Variants in RRP12 observed in about 807,000 individuals in gnomAD.
The protein encoded by RRP12 is RRP12-like protein.
RRP12 carries 78 observed loss-of-function variants against 157.3 expected under a neutral mutation model. The observed-to-expected ratio is 0.50, with a 90% CI of 0.41 to 0.60. RRP12 has a LOEUF of 0.60. RRP12 is among the 20% of genes least tolerant of loss of function. RRP12 has a pLI of 0.00. For synonymous variants in RRP12, 726 were observed against 670.9 expected, an observed-to-expected ratio of 1.08 and a Z score of -1.27; for missense variants, 1,521 against 1,679.9, an observed-to-expected ratio of 0.91 and a Z score of 1.65.
At chr10:97,392,001 G>GTTT (rs59302286) in intron 4 of RRP12, among the ~76,000 whole-genome samples, 3 of 147,756 alleles carry the variant, frequency 2.0e-5, no homozygotes, top group Non-Finnish European at 3.0e-5. Flanking sequence ...CATGTTGTGG[G>GTTT]TTTTTTTTTT....
intron 4 of RRP12, 148 bp downstream of exon 4, chr10:97,393,536 T>C (rs1844869103): frequency 1.4e-6 from 1 of 721,432 alleles, no homozygotes; most frequent in Non-Finnish European, 2.5e-6. Context: ...GTATGTCACA[T>C]GCTGGCCCAT....
At position 97,373,650 on chromosome 10, in the gene RRP12, T is replaced by C; in HGVS notation, c.1951A>G (p.Ile651Val). 6.2e-7 allele frequency: 1 copy of C among 1,613,886 alleles called. No homozygotes were observed. The highest frequency in any genetic ancestry group is 8.5e-7 in the Non-Finnish European group (1 of 1,179,924). ...ACCCTCAGGTCTGGACGCTCGCTGA[T>C]GGCCATGCCCAGCGTCCGTGCCAGC... is the stretch of plus-strand genomic sequence containing the variant. The part of the protein sequence containing the change: ...KGLARTLGMA[I>V]SERPDLRVTV... Residue 651 changes from isoleucine to valine, a missense_variant, in exon 17 of 34, where the codon ATC (isoleucine) becomes GTC (valine). By Grantham distance (29) the Ile-to-Val change is conservative. Coordinates refer to ENST00000370992, the MANE Select transcript of RRP12 (RefSeq NM_015179.4).
intron 2 of RRP12, among the ~76,000 whole-genome samples, 196 bp downstream of exon 2, chr10:97,400,109 C>T (rs977593666): frequency 6.6e-6 from 1 of 152,162 alleles, no homozygotes; most frequent in Non-Finnish European, 1.5e-5. Flanking sequence ...CCCTCAAGTA[C>T]TTAAGCAGAG....
At chr10:97,385,606 A>G (rs1844609677) in intron 9 of RRP12, among the ~76,000 whole-genome samples, 1 of 152,086 alleles carries the variant, frequency 6.6e-6, no homozygotes, top group Non-Finnish European at 1.5e-5. Flanking sequence ...ACAGACCTCT[A>G]AGGCCGAGAG....
chr10:97,394,851 G>T (rs528496887), intron 3 of RRP12, among the ~76,000 whole-genome samples: 1 of 152,242 alleles, frequency 6.6e-6, no homozygotes, highest in East Asian at 1.9e-4. Flanking sequence ...CTTTAAAAAT[G>T]TAATAACCAG....
chr10:97,357,175 T>C lies in RRP12; in HGVS notation c.3813A>G (p.Gly1271=), dbSNP rs1843731564. 6.2e-7 allele frequency: 1 copy of C among 1,610,390 alleles called. No individual in the cohort carries two copies. The highest frequency in any genetic ancestry group is 1.3e-5 in the African/African-American group (1 of 74,746). The change falls in exon 34 of 34, where the codon GGA becomes GGG. Residue 1271 remains glycine (G), a synonymous_variant. Transcript: ENST00000370992. The stretch of plus-strand genomic sequence containing the variant: ...CAGCCTTCACCAGGCCTTTGAACTG[T>C]CCCTGCAGCTTCATCTTCTTCCTGC... ...LNRRKKMKLQ[G]QFKGLVKAAR...
Position 97,366,764 on chromosome 10 carries a change from G to GCTCCTCCTCCTCCTCCTC in RRP12, c.3175_3192dup (p.Glu1059_Glu1064dup). Reference sequence around the variant, plus strand: ...CACCTGTCACCTTTGCCCTGGGCGGGCTCCTCCTCCTCCTCCTCCTCTTCT... The same window carrying GCTCCTCCTCCTCCTCCTC: ...CACCTGTCACCTTTGCCCTGGGCGGGCTCCTCCTCCTCCTCCTCCTCCTCCTCCTCCTCCTCCTCTTCT... On this transcript the variant is annotated inframe_insertion, in exon 27 of 34. Coordinates refer to ENST00000370992, the MANE Select transcript of RRP12 (RefSeq NM_015179.4). The GCTCCTCCTCCTCCTCCTC allele has an allele frequency of 6.2e-7, 1 of 1,603,414 alleles. No homozygotes were observed. The highest frequency in any genetic ancestry group is 2.2e-5 in the East Asian group (1 of 44,822).
intron 31 of RRP12, 80 bp from the exon 32 acceptor site, chr10:97,359,090 G>C: frequency 9.2e-7 from 1 of 1,089,978 alleles, no homozygotes; most frequent in South Asian, 1.3e-5. Context: ...CCCTCTCTGA[G>C]AGAGCTGCAA....
chr10:97,360,463 C>T, intron 31 of RRP12, 83 bp downstream of exon 31: 1 of 1,151,544 alleles, frequency 8.7e-7, no homozygotes, highest in Non-Finnish European at 1.3e-6. Flanking sequence ...CCTCATGGCC[C>T]TGCCACCCCT....
At chr10:97,389,239 G>A (rs564255070) in intron 6 of RRP12, among the ~76,000 whole-genome samples, 5 of 151,964 alleles carry the variant, frequency 3.3e-5, no homozygotes, top group Non-Finnish European at 5.9e-5. Flanking sequence ...GACTACAGGC[G>A]CCCGCCACCA....
In RRP12 at chr10:97,381,752, T is replaced by C. The variant is rs1181446171; in HGVS notation, c.1283A>G (p.His428Arg). 6.2e-7 allele frequency: 1 copy of C among 1,613,858 alleles called. No homozygotes were observed. The highest frequency in any genetic ancestry group is 8.5e-7 in the Non-Finnish European group (1 of 1,180,000). ...CGTAGCAGCAGTCAGCACTTGCGAG[T>C]GTGGGGAAAGGAGGCAGGTCACCGC... ...GTAVTCLLSP[H>R]SQVLTAATQS... is the part of the protein sequence containing the mutation. The change falls in exon 11 of 34, where the codon CAC (histidine) becomes CGC (arginine). Residue 428 changes from histidine to arginine, a missense_variant. Transcript: ENST00000370992.
In RRP12 at chr10:97,358,536, C is replaced by T; in HGVS notation, c.3791+1G>A. On this transcript the variant is annotated splice_donor_variant, in intron 33 of 33. Coordinates refer to ENST00000370992, the MANE Select transcript of RRP12 (RefSeq NM_015179.4). LOFTEE classifies it high-confidence loss of function. ...CCAGCCTGCCTGGCACAGCGTCATA[C>T]CTGCGGTTGAGCTTGCTTCTGTTGA... 6.2e-7 allele frequency: 1 copy of T among 1,612,996 alleles called. No individual in the cohort carries two copies. The highest frequency in any genetic ancestry group is 2.2e-5 in the East Asian group (1 of 44,876).
intron 30 of RRP12, 142 bp downstream of exon 30, chr10:97,363,712 G>A: frequency 6.5e-6 from 5 of 774,446 alleles, no homozygotes; most frequent in South Asian, 3.0e-5. Context: ...CTTCTGGACC[G>A]CCTGCTATGC....
At chr10:97,365,016 C>T (rs928405391) in intron 29 of RRP12, among the ~76,000 whole-genome samples, 4 of 152,110 alleles carry the variant, frequency 2.6e-5, no homozygotes, top group Non-Finnish European at 5.9e-5. Flanking sequence ...CAAGTACATA[C>T]GCTGTCCCCA....
chr10:97,362,762 T>C (rs1843877734), intron 30 of RRP12, among the ~76,000 whole-genome samples: 1 of 152,170 alleles, frequency 6.6e-6, no homozygotes, highest in Non-Finnish European at 1.5e-5. Context: ...CCCAAGACTC[T>C]GGATATGTAC....
intron 18 of RRP12, 56 bp downstream of exon 18, chr10:97,372,990 A>T: frequency 6.5e-7 from 1 of 1,546,946 alleles, no homozygotes; most frequent in Non-Finnish European, 8.8e-7. Context: ...GGCCTCTCTG[A>T]CCCTGCCCAC....
intron 10 of RRP12, among the ~76,000 whole-genome samples, chr10:97,382,134 C>A (rs12250066): frequency 0.08 from 12,234 of 152,142 alleles, 1,511 homozygotes; most frequent in African/African-American, 0.27. Flanking sequence ...TTCTTAAATA[C>A]CCTTCCAGAA....
At position 97,371,091 on chromosome 10, in the gene RRP12, A is replaced by G. The variant is rs759609372; in HGVS notation, c.2344-10T>C. ...CCCCGTGGGCCTTGCTCTGGCAGAC[A>G]GGAACCGGTGAGGGAGGCCTGGGGC... On this transcript the variant is annotated splice_polypyrimidine_tract_variant and intron_variant, in intron 20 of 33. Transcript: ENST00000370992. 22 of 1,612,484 alleles carry G rather than the reference A, an allele frequency of 1.4e-5. 1 individual carries two copies. In the Middle Eastern group the frequency reaches 5.2e-4, roughly 38 times the overall value.
Position 97,385,941 on chromosome 10 carries a change from G to A in RRP12, c.1070C>T (p.Pro357Leu). ...QAFHSLFHAR[P>L]GLSTLSAELN... ...CTCTGCTGACAGGGTGCTCAGGCCA[G>A]GCCTGGCGTGGAAGAGGCTGTGAAA... is the stretch of plus-strand genomic sequence containing the variant. Residue 357 changes from proline (P) to leucine (L), a missense_variant, in exon 9 of 34, where the codon CCT becomes CTT. Physicochemically the swap from Pro to Leu is moderately conservative, Grantham distance 98. Transcript: ENST00000370992. The A allele has an allele frequency of 6.2e-7, 1 of 1,607,198 alleles. No individual in the cohort carries two copies. The highest frequency in any genetic ancestry group is 8.5e-7 in the Non-Finnish European group (1 of 1,177,036).
Sources: gnomAD v4.1 joint callset for allele counts (sites outside exome capture counted in the v4.1 genomes callset) on GRCh38, gnomAD v4.1.1 for gene constraint, MANE v1.5 for transcripts, NCBI Gene and HGNC (gene_info 2026-07-23, HGNC 2026-07-21) for gene names.